The following CLSTN2 variants were observed in gnomAD, a reference collection of about 807,000 sequenced individuals.
CLSTN2 encodes the protein calsyntenin 2, also known as calsyntenin-2.
CLSTN2 carries 48 observed loss-of-function variants against 101.2 expected under a neutral mutation model. The ratio of observed to expected loss-of-function variants is 0.47; its 90% CI spans 0.38 to 0.60. The LOEUF is 0.60. Ranked by LOEUF, CLSTN2 falls within the 20% of genes least tolerant of loss-of-function variation. The probability of loss-of-function intolerance (pLI) is 0.00; values close to 1 mark genes in which losing one functional copy is unlikely to be tolerated. For missense variants in CLSTN2, 1,160 were observed against 1,238.2 expected (o/e 0.94, Z 0.95); for synonymous variants, 481 against 463.6 (o/e 1.04, Z -0.48).
chr3:140,519,055 C>T (rs1934976686), intron 8 of CLSTN2, among the ~76,000 whole-genome samples: 1 of 152,198 alleles, frequency 6.6e-6, no homozygotes, highest in Non-Finnish European at 1.5e-5. Flanking sequence ...TTCAAAAAAA[C>T]TTCTTGATTT....
At chr3:140,381,386 A>G (rs532169897) in intron 2 of CLSTN2, among the ~76,000 whole-genome samples, 15 of 152,326 alleles carry the variant, frequency 9.8e-5, no homozygotes, top group African/African-American at 3.4e-4. Context: ...GGGGGGACAC[A>G]TAATACACCC....
At chr3:140,432,676 T>TA (rs1244520974) in intron 5 of CLSTN2, among the ~76,000 whole-genome samples, 5 of 152,178 alleles carry the variant, frequency 3.3e-5, no homozygotes, top group African/African-American at 1.2e-4. Context: ...TTAATGTGCT[T>TA]AAAGAGCTGC....
chr3:140,191,656 T>C (rs1250420467), intron 2 of CLSTN2, among the ~76,000 whole-genome samples: 1 of 151,966 alleles, frequency 6.6e-6, no homozygotes, highest in Admixed American at 6.6e-5. Context: ...CCATTTTGTC[T>C]AAGTTGACAA....
chr3:139,977,605 C>T (rs890607155), intron 1 of CLSTN2, among the ~76,000 whole-genome samples: 5 of 152,108 alleles, frequency 3.3e-5, no homozygotes, highest in African/African-American at 1.2e-4. Context: ...CAGCACCATT[C>T]CAATTCACAT....
At chr3:140,085,293 G>A (rs2008663638) in intron 1 of CLSTN2, among the ~76,000 whole-genome samples, 1 of 152,182 alleles carries the variant, frequency 6.6e-6, no homozygotes, top group Admixed American at 6.5e-5. Flanking sequence ...TTTGCACAAG[G>A]TGCTTTTCTT....
intron 1 of CLSTN2, among the ~76,000 whole-genome samples, chr3:140,087,205 C>T (rs1224060261): frequency 1.3e-5 from 2 of 151,988 alleles, no homozygotes; most frequent in Non-Finnish European, 2.9e-5. Context: ...GTGTTGTGTC[C>T]ATTTAACCTT....
At chr3:140,001,472 T>C (rs890923001) in intron 1 of CLSTN2, among the ~76,000 whole-genome samples, 5 of 152,072 alleles carry the variant, frequency 3.3e-5, no homozygotes, top group Admixed American at 6.6e-5. Context: ...TTTCTTCAAC[T>C]TTTTAAAAAA....
At chr3:140,500,499 T>C (rs59314875) in intron 8 of CLSTN2, among the ~76,000 whole-genome samples, 8,969 of 152,196 alleles carry the variant, frequency 0.059, 859 homozygotes, top group African/African-American at 0.2. Context: ...GGACAAGAAA[T>C]TGGGATGTTT....
intron 8 of CLSTN2, among the ~76,000 whole-genome samples, chr3:140,476,084 G>A (rs1933976543): frequency 6.6e-6 from 1 of 152,224 alleles, no homozygotes; most frequent in African/African-American, 2.4e-5. Flanking sequence ...ATTGGTGCCA[G>A]TGGGAGGGAG....
intron 2 of CLSTN2, among the ~76,000 whole-genome samples, chr3:140,253,193 T>A (rs1004233548): frequency 5.3e-5 from 8 of 152,074 alleles, no homozygotes; most frequent in Non-Finnish European, 1.2e-4. Context: ...GGTTACAAAG[T>A]TACAGCTGCA....
At position 140,029,481 on chromosome 3, in the gene CLSTN2, G is replaced by T. The variant is rs1166004006; in HGVS notation, c.109+93998G>T. Among the ~76,000 whole-genome samples, 3 of 152,182 alleles carry T rather than the reference G, an allele frequency of 2.0e-5. 1 individual carries two copies. Among genetic ancestry groups the T allele is most frequent in the East Asian group, 1.9e-4 (1 of 5,194 alleles). On this transcript the variant is annotated intron_variant, in intron 1 of 16. Coordinates refer to ENST00000458420, the MANE Select transcript of CLSTN2 (RefSeq NM_022131.3). Reference sequence around the variant, plus strand: ...ACGGATGTCTGCCCAATGCCTGCAAGACCTGAGTCCCACATGCTGATTTTT... The same window carrying T: ...ACGGATGTCTGCCCAATGCCTGCAATACCTGAGTCCCACATGCTGATTTTT...
At chr3:139,947,211 A>G (rs1935228755) in intron 1 of CLSTN2, among the ~76,000 whole-genome samples, 1 of 152,184 alleles carries the variant, frequency 6.6e-6, no homozygotes, top group South Asian at 2.1e-4. Context: ...GTGTAGAAAA[A>G]ACATTTTGGA....
intron 1 of CLSTN2, among the ~76,000 whole-genome samples, chr3:140,161,788 C>G (rs1283910035): frequency 6.6e-6 from 1 of 152,152 alleles, no homozygotes; most frequent in Non-Finnish European, 1.5e-5. Context: ...CTTTGACAAG[C>G]CACATACTAA....
Position 140,566,458 on chromosome 3 carries a change from G to A in CLSTN2, c.*205G>A. The A allele has an allele frequency of 1.7e-6, 1 of 600,830 alleles. No homozygotes were observed. The highest frequency in any genetic ancestry group is 3.0e-6 in the Non-Finnish European group (1 of 336,918). The allele number at this position is 600,830 out of a possible 1,614,324, so 37.2% of individuals were successfully genotyped here. On this transcript the variant is annotated 3_prime_UTR_variant, in exon 17 of 17. Transcript: ENST00000458420. ...TCCAAGAAGCCCAGCATGGCCATCAGTGAGGACTTCAGGGTAGACTTTGTC... is the reference window on the plus strand; with the variant it reads ...TCCAAGAAGCCCAGCATGGCCATCAATGAGGACTTCAGGGTAGACTTTGTC...
chr3:140,425,514 T>A (rs118076574), intron 5 of CLSTN2, among the ~76,000 whole-genome samples: 1 of 152,332 alleles, frequency 6.6e-6, no homozygotes, highest in African/African-American at 2.4e-5. Context: ...GGTTTTCTTA[T>A]TCCTGCCTTT....
At chr3:140,533,502 G>C (rs1044484805) in intron 9 of CLSTN2, among the ~76,000 whole-genome samples, 2 of 152,086 alleles carry the variant, frequency 1.3e-5, no homozygotes, top group African/African-American at 4.8e-5. Context: ...GAGGTCAGGA[G>C]ATCGAGACCA....
intron 2 of CLSTN2, among the ~76,000 whole-genome samples, chr3:140,327,687 C>G (rs567208570): frequency 1.1e-4 from 16 of 152,308 alleles, no homozygotes; most frequent in African/African-American, 3.6e-4. Flanking sequence ...CCTCAGATTC[C>G]TCATCTGTCA....
chr3:140,103,176 G>T (rs1160982079), intron 1 of CLSTN2, among the ~76,000 whole-genome samples: 2 of 152,126 alleles, frequency 1.3e-5, no homozygotes, highest in East Asian at 1.9e-4. Context: ...TTATAGCTTA[G>T]TCTGTAAGGT....
chr3:140,412,586 G>A (rs771624193), intron 4 of CLSTN2, among the ~76,000 whole-genome samples: 9 of 152,228 alleles, frequency 5.9e-5, no homozygotes, highest in Non-Finnish European at 1.3e-4. Flanking sequence ...TGCTTCTGGT[G>A]TGGGGAAGTC....
Sources: allele counts gnomAD v4.1 joint callset (sites outside exome capture counted in the v4.1 genomes callset), GRCh38; gene constraint gnomAD v4.1.1; transcripts MANE v1.5; gene names NCBI Gene and HGNC (gene_info 2026-07-23, HGNC 2026-07-21).